The following ZNF277 variants were observed in gnomAD, a reference collection of about 807,000 sequenced individuals.
ZNF277 encodes the protein zinc finger protein 277.
ZNF277 carries 55 observed loss-of-function variants against 60.7 expected under a neutral mutation model. That is an observed-to-expected ratio of 0.91 (90% CI 0.73 to 1.13). The LOEUF is 1.13. Among genes scored for constraint, ZNF277 ranks in the 50% most tolerant of loss-of-function variants. ZNF277 has a pLI of 0.00. For missense variants in ZNF277, 510 were observed against 523.0 expected, an observed-to-expected ratio of 0.98 and a Z score of 0.24; for synonymous variants, 178 against 179.3, an observed-to-expected ratio of 0.99 and a Z score of 0.06.
At chr7:112,230,008 A>C (rs1363856824) in intron 1 of ZNF277, among the ~76,000 whole-genome samples, 1 of 147,424 alleles carries the variant, frequency 6.8e-6, no homozygotes, top group East Asian at 1.9e-4. Context: ...AGGCTAGAGA[A>C]GGGAGCAAGG....
At chr7:112,314,638 T>C (rs936604447) in intron 4 of ZNF277, among the ~76,000 whole-genome samples, 1 of 151,862 alleles carries the variant, frequency 6.6e-6, no homozygotes, top group Non-Finnish European at 1.5e-5. Flanking sequence ...TACAAAAAAA[T>C]ACAGAAAATT....
chr7:112,296,071 G>C (rs1792319519), intron 3 of ZNF277, 114 bp downstream of exon 3: 1 of 1,047,390 alleles, frequency 9.5e-7, no homozygotes, highest in African/African-American at 1.6e-5. Context: ...AAATTAAATT[G>C]ATGTGTTTAT....
chr7:112,323,243 A>C (rs1793024863), intron 5 of ZNF277, among the ~76,000 whole-genome samples: 1 of 152,192 alleles, frequency 6.6e-6, no homozygotes, highest in South Asian at 2.1e-4. Flanking sequence ...GAAAATGTCA[A>C]CTTTTCAGAG....
intron 4 of ZNF277, among the ~76,000 whole-genome samples, chr7:112,310,454 T>TGAGAGAGAGAGAGAGAGAGA (rs377447375): frequency 0.033 from 3,850 of 117,002 alleles, 191 homozygotes; most frequent in Admixed American, 0.088. Context: ...AGGTTAGGTT[T>TGAGAGAGAGAGAGAGAGAGA]GAGAGAGAGA....
intron 5 of ZNF277, 152 bp downstream of exon 5, chr7:112,318,425 C>G (rs1792893285): frequency 1.6e-6 from 1 of 621,526 alleles, no homozygotes; most frequent in Non-Finnish European, 2.8e-6. Context: ...ACCCAACGTC[C>G]AAGATGAACT....
intron 1 of ZNF277, among the ~76,000 whole-genome samples, chr7:112,279,406 C>T (rs964301686): frequency 5.9e-5 from 9 of 152,084 alleles, no homozygotes; most frequent in Admixed American, 3.3e-4. Context: ...TTAGGAGGTA[C>T]GAGATGATAT....
intron 7 of ZNF277, among the ~76,000 whole-genome samples, chr7:112,332,425 G>A (rs1374461093): frequency 6.6e-6 from 1 of 152,172 alleles, no homozygotes; most frequent in Admixed American, 6.5e-5. Context: ...CTGTGCATCA[G>A]TTTCCTTCAT....
chr7:112,247,131 CT>C (rs1791103433), intron 1 of ZNF277, among the ~76,000 whole-genome samples: 1 of 152,172 alleles, frequency 6.6e-6, no homozygotes. Context: ...TGACAAACAA[CT>C]TTGTATCAGT....
chr7:112,210,361 C>T (rs1044100463), intron 1 of ZNF277, among the ~76,000 whole-genome samples: 11 of 152,016 alleles, frequency 7.2e-5, no homozygotes, highest in African/African-American at 2.7e-4. Context: ...GTGCAACACT[C>T]ACTGAGACCA....
intron 4 of ZNF277, among the ~76,000 whole-genome samples, chr7:112,298,391 A>G (rs1217960747): frequency 6.6e-6 from 1 of 152,178 alleles, no homozygotes; most frequent in African/African-American, 2.4e-5. Context: ...AAAGATACAT[A>G]TGCATCTAAA....
chr7:112,303,071 C>T (rs1415149808), intron 4 of ZNF277, among the ~76,000 whole-genome samples: 1 of 151,598 alleles, frequency 6.6e-6, no homozygotes, highest in African/African-American at 2.4e-5. Context: ...CCTCAGCCTC[C>T]CGAGGAGTAG....
intron 4 of ZNF277, among the ~76,000 whole-genome samples, chr7:112,312,503 G>A (rs1792753528): frequency 6.6e-6 from 1 of 152,128 alleles, no homozygotes; most frequent in Non-Finnish European, 1.5e-5. Flanking sequence ...ACTCTTAGGA[G>A]AGGCATGCTG....
intron 1 of ZNF277, among the ~76,000 whole-genome samples, chr7:112,228,881 T>A (rs2116974077): frequency 6.6e-6 from 1 of 152,288 alleles, no homozygotes. Flanking sequence ...CTTAGATAAA[T>A]CACACTCCCT....
intron 2 of ZNF277, among the ~76,000 whole-genome samples, chr7:112,294,623 C>A (rs1032357120): frequency 1.3e-5 from 2 of 152,122 alleles, no homozygotes; most frequent in Non-Finnish European, 2.9e-5. Flanking sequence ...ATACACTATT[C>A]ATTGGCTTCT....
intron 1 of ZNF277, among the ~76,000 whole-genome samples, chr7:112,252,935 C>T (rs567905747): frequency 6.6e-6 from 1 of 152,078 alleles, no homozygotes; most frequent in African/African-American, 2.4e-5. Flanking sequence ...GAGGATAGAA[C>T]GATGAATAAA....
chr7:112,342,719 T>C lies in ZNF277; in HGVS notation c.1343T>C (p.Leu448Ser). The change falls in exon 12 of 12, where the codon TTG becomes TCG. Residue 448 changes from leucine (L) to serine (S), a missense_variant. Physicochemically the swap from Leu to Ser is moderately radical, Grantham distance 145. Coordinates refer to ENST00000361822, the MANE Select transcript of ZNF277 (RefSeq NM_021994.3). ...AAACAAAGCAGTATTTTGAACCAGT[T>C]GCTACTATAAGAGTACTTGAAAACC... ...ALKQSSILNQ[L>S]LL 1 of 1,601,856 alleles carries C rather than the reference T, an allele frequency of 6.2e-7. No individual in the cohort carries two copies. Among genetic ancestry groups the C allele is most frequent in the African/African-American group, 1.3e-5 (1 of 74,714 alleles).
intron 6 of ZNF277, among the ~76,000 whole-genome samples, chr7:112,329,130 A>T (rs893713594): frequency 6.6e-6 from 1 of 152,210 alleles, no homozygotes; most frequent in Admixed American, 6.5e-5. Flanking sequence ...CCTGGAATAT[A>T]TTCTTTGGCA....
At chr7:112,342,336 G>A (rs1017813898) in intron 11 of ZNF277, among the ~76,000 whole-genome samples, 20 of 152,166 alleles carry the variant, frequency 1.3e-4, no homozygotes, top group African/African-American at 4.6e-4. Flanking sequence ...GGAGGTCCAC[G>A]ATCTTGGTTT....
intron 5 of ZNF277, among the ~76,000 whole-genome samples, chr7:112,319,036 TC>T (rs1792915424): frequency 6.6e-6 from 1 of 152,114 alleles, no homozygotes; most frequent in Non-Finnish European, 1.5e-5. Context: ...AGTTTCTGAA[TC>T]CTCTTCCCAA....
Sources: allele counts gnomAD v4.1 joint callset (sites outside exome capture counted in the v4.1 genomes callset), GRCh38; gene constraint gnomAD v4.1.1; transcripts MANE v1.5; gene names NCBI Gene and HGNC (gene_info 2026-07-23, HGNC 2026-07-21).